The following ADGRF5 variants were observed in gnomAD, a reference collection of about 807,000 sequenced individuals.
ADGRF5 encodes the protein G-protein coupled receptor 116.
ADGRF5 carries 75 observed loss-of-function variants against 132.3 expected under a neutral mutation model. The observed-to-expected ratio is 0.57, with a 90% CI of 0.47 to 0.69. ADGRF5 has a LOEUF of 0.69. Among genes scored for constraint, ADGRF5 ranks in the 30% least tolerant of loss-of-function variants. The probability of loss-of-function intolerance (pLI) is 0.00; values close to 1 mark genes in which losing one functional copy is unlikely to be tolerated. For missense variants in ADGRF5, 1,516 were observed against 1,630.6 expected (o/e 0.93, Z 1.21); for synonymous variants, 629 against 597.6 (o/e 1.05, Z -0.77).
upstream of ADGRF5, among the ~76,000 whole-genome samples, chr6:46,922,438 G>A (rs895212839): frequency 6.6e-6 from 1 of 152,182 alleles, no homozygotes; most frequent in African/African-American, 2.4e-5. Flanking sequence ...GAAACTCTGT[G>A]AGTATTTGTG....
At chr6:46,861,174 G>A (rs1769705771) in intron 15 of ADGRF5, among the ~76,000 whole-genome samples, 1 of 152,204 alleles carries the variant, frequency 6.6e-6, no homozygotes, top group Admixed American at 6.5e-5. Flanking sequence ...GATGGCTAGA[G>A]AAGTAGGTTA....
intron 13 of ADGRF5, among the ~76,000 whole-genome samples, chr6:46,866,659 A>C (rs587374): frequency 0.83 from 126,655 of 151,722 alleles, 54,717 homozygotes; most frequent in East Asian, 0.99. Context: ...TGCCATATTC[A>C]TTAGAAGGTA....
rs1171276193 is a variant in ADGRF5 at position 46,858,458 on chromosome 6, C to T, written c.3445G>A (p.Ala1149Thr). 3 of 1,613,896 alleles carry T rather than the reference C, an allele frequency of 1.9e-6. No homozygotes were observed. The highest frequency in any genetic ancestry group is 1.3e-5 in the African/African-American group (1 of 75,018). ...PLAISVITLG[A>T]TQPREVYTRK... ...GTATAGACTTCCCGGGGCTGGGTGG[C>T]TCCCAGCGTGATGACCGAGATGGCA... Residue 1149 changes from alanine to threonine, a missense_variant, in exon 17 of 21, where the codon GCC (alanine) becomes ACC (threonine). Physicochemically the swap from Ala to Thr is moderately conservative, Grantham distance 58. Transcript: ENST00000283296.
Position 46,883,641 on chromosome 6 carries a change from C to T in ADGRF5, c.530G>A (p.Arg177Lys). ...QEDVTLNMRV[R>K]LNVGFQEDLM... Reference sequence around the variant, plus strand: ...GTCTTCTTGAAAGCCTACATTTAGTCTGACTCTCATGTTCAGGGTAACATC... The same window carrying T: ...GTCTTCTTGAAAGCCTACATTTAGTTTGACTCTCATGTTCAGGGTAACATC... The change falls in exon 6 of 21, where the codon AGA (arginine) becomes AAA (lysine). Residue 177 changes from arginine to lysine, a missense_variant. Physicochemically the swap from Arg to Lys is conservative, Grantham distance 26. Around this residue, in one of 2 missense-constraint regions of ADGRF5, gnomAD observed 945 missense variants for 929.4 expected, o/e 1.02. Coordinates refer to ENST00000283296, the MANE Select transcript of ADGRF5 (RefSeq NM_001098518.2). The T allele has an allele frequency of 6.3e-7, 1 of 1,597,440 alleles. No individual in the cohort carries two copies.
At chr6:46,925,620 G>C (rs750792659), upstream of ADGRF5, among the ~76,000 whole-genome samples, 1 of 152,224 alleles carries the variant, frequency 6.6e-6, no homozygotes, top group Non-Finnish European at 1.5e-5. Flanking sequence ...AGCAGGGCGT[G>C]TTGGCAGGTG....
At chr6:46,867,878 T>C (rs953896930) in intron 12 of ADGRF5, among the ~76,000 whole-genome samples, 1 of 152,152 alleles carries the variant, frequency 6.6e-6, no homozygotes, top group Non-Finnish European at 1.5e-5. Flanking sequence ...CAATAACTGA[T>C]TATGGGACTG....
intron 1 of ADGRF5, among the ~76,000 whole-genome samples, chr6:46,919,127 A>T (rs562813651): frequency 1.3e-5 from 2 of 152,344 alleles, no homozygotes; most frequent in East Asian, 3.9e-4. Flanking sequence ...GTTTAGTCTA[A>T]CTTTAGATTC....
chr6:46,870,867 T>C, intron 11 of ADGRF5: 3 of 446,766 alleles, frequency 6.7e-6, no homozygotes, highest in South Asian at 3.2e-5. Context: ...TTTTGAGCAA[T>C]TTGCAGTTTT....
chr6:46,899,428 C>A (rs541196230), intron 3 of ADGRF5, among the ~76,000 whole-genome samples: 3 of 152,202 alleles, frequency 2.0e-5, no homozygotes, highest in East Asian at 1.9e-4. Flanking sequence ...ACCCAGCCTG[C>A]GGCCCTGACC....
At chr6:46,888,699 G>C (rs1241566413) in intron 3 of ADGRF5, among the ~76,000 whole-genome samples, 194 bp from the exon 4 acceptor site, 1 of 152,200 alleles carries the variant, frequency 6.6e-6, no homozygotes, top group Non-Finnish European at 1.5e-5. Flanking sequence ...CCAAGGCCAA[G>C]CACTGCTGTG....
intron 1 of ADGRF5, among the ~76,000 whole-genome samples, chr6:46,951,099 T>C (rs1778482874): frequency 6.6e-6 from 1 of 152,166 alleles, no homozygotes; most frequent in African/African-American, 2.4e-5. Context: ...TAATATCCCT[T>C]TTGTTATTAC....
chr6:46,931,835 G>A (rs566415248), intron 1 of ADGRF5, among the ~76,000 whole-genome samples: 12 of 152,284 alleles, frequency 7.9e-5, no homozygotes, highest in East Asian at 3.9e-4. Flanking sequence ...CAGAAGAATC[G>A]CTTGAACCTG....
intron 10 of ADGRF5, among the ~76,000 whole-genome samples, chr6:46,876,139 A>G (rs139878092): frequency 3.4e-4 from 52 of 152,346 alleles, no homozygotes; most frequent in East Asian, 3.1e-3. Flanking sequence ...TGGAGAAGAG[A>G]GCTGCAGAGA....
At chr6:46,889,262 T>G (rs894449671) in intron 3 of ADGRF5, among the ~76,000 whole-genome samples, 1 of 147,122 alleles carries the variant, frequency 6.8e-6, no homozygotes, top group African/African-American at 2.5e-5. Flanking sequence ...ATTATATATA[T>G]AGACTACTAT....
chr6:46,931,737 G>T (rs1222750168), intron 1 of ADGRF5, among the ~76,000 whole-genome samples: 1 of 152,110 alleles, frequency 6.6e-6, no homozygotes, highest in African/African-American at 2.4e-5. Flanking sequence ...ATATTTTTGG[G>T]CATATGAAGA....
rs1769378393 is a variant in ADGRF5 at position 46,858,899 on chromosome 6, G to C, written c.3004C>G (p.Pro1002Ala). 1.9e-6 allele frequency: 3 copies of C among 1,614,074 alleles called. No individual in the cohort carries two copies. Among genetic ancestry groups the C allele is most frequent in the Non-Finnish European group, 2.5e-6 (3 of 1,179,976 alleles). ...SFSILMSPDS[P>A]DPSSLLGILL... ...ATTCCCAGGAGAGAACTAGGATCTG[G>C]GGAGTCAGGGGACATGAGGATGGAG... is the stretch of plus-strand genomic sequence containing the variant. The change falls in exon 17 of 21, where the codon CCA becomes GCA. Residue 1002 changes from proline to alanine, a missense_variant. Pro to Ala is a conservative substitution (Grantham distance 27). Around this residue, in one of 2 missense-constraint regions of ADGRF5, gnomAD observed 571 missense variants for 701.2 expected, o/e 0.81. Coordinates refer to ENST00000283296, the MANE Select transcript of ADGRF5 (RefSeq NM_001098518.2).
chr6:46,877,712 G>A (rs1192255415), intron 10 of ADGRF5, among the ~76,000 whole-genome samples: 1 of 152,220 alleles, frequency 6.6e-6, no homozygotes, highest in Non-Finnish European at 1.5e-5. Flanking sequence ...CAGAGAGAGA[G>A]GGATAAAGCT....
At chr6:46,878,152 G>T in intron 10 of ADGRF5, 50 bp downstream of exon 10, 1 of 1,160,406 alleles carries the variant, frequency 8.6e-7, no homozygotes, top group Non-Finnish European at 1.3e-6. Context: ...ATTTCTACTT[G>T]GCCAAGAGGC....
In ADGRF5 at chr6:46,860,800, G is replaced by C; in HGVS notation, c.2294C>G (p.Ser765Cys). 1.2e-6 allele frequency: 2 copies of C among 1,613,598 alleles called. No homozygotes were observed. The highest frequency in any genetic ancestry group is 1.7e-6 in the Non-Finnish European group (2 of 1,179,492). Residue 765 changes from serine (S) to cysteine (C), a missense_variant, in exon 16 of 21, where the codon TCT becomes TGT. Transcript: ENST00000283296. The part of the protein sequence containing the change: ...SIDKAEHEIS[S>C]SPGSLGAIIN... ...AATGGCTCCCAGACTCCCAGGAGAA[G>C]AGCTGATTTCATGTTCCGCTTTGTC...
Sources: allele counts gnomAD v4.1 joint callset (sites outside exome capture counted in the v4.1 genomes callset), GRCh38; gene constraint gnomAD v4.1.1; regional missense constraint gnomAD v4.1.1; transcripts MANE v1.5; gene names NCBI Gene and HGNC (gene_info 2026-07-23, HGNC 2026-07-21).